Variants in FZR1 observed in about 807,000 individuals in gnomAD.
FZR1 encodes the protein fizzy and cell division cycle 20 related 1.
A neutral mutation model predicts 63.6 loss-of-function variants in FZR1; 11 were observed. The observed-to-expected ratio is 0.17, with a 90% CI of 0.11 to 0.29. The LOEUF is 0.29. Among genes scored for constraint, FZR1 ranks in the 10% least tolerant of loss-of-function variants. The probability of loss-of-function intolerance (pLI) is 1.00; values close to 1 mark genes in which losing one functional copy is unlikely to be tolerated. For missense variants in FZR1, 440 were observed against 687.5 expected (o/e 0.64, Z 4.03); for synonymous variants, 328 against 297.9 (o/e 1.10, Z -1.04).
intron 6 of FZR1, 47 bp from the exon 7 acceptor site, chr19:3,527,584 T>G: frequency 6.6e-7 from 1 of 1,510,946 alleles, no homozygotes; most frequent in Non-Finnish European, 9.0e-7. Flanking sequence ...TTGCAAGAGG[T>G]GACCCAAGTG....
At chr19:3,532,127 C>T in intron 10 of FZR1, 32 bp downstream of exon 10, 1 of 1,470,050 alleles carries the variant, frequency 6.8e-7, no homozygotes, top group Non-Finnish European at 9.0e-7. Flanking sequence ...GCTTCCCCTT[C>T]ACCAGAAGCC....
intron 1 of FZR1, among the ~76,000 whole-genome samples, chr19:3,508,774 C>A (rs2122102451): frequency 6.6e-6 from 1 of 152,322 alleles, no homozygotes; most frequent in South Asian, 2.1e-4. Flanking sequence ...CAATTCTGTC[C>A]CCAGGGGACA....
At chr19:3,513,827 G>A (rs2083040034) in intron 1 of FZR1, among the ~76,000 whole-genome samples, 1 of 152,152 alleles carries the variant, frequency 6.6e-6, no homozygotes, top group Non-Finnish European at 1.5e-5. Flanking sequence ...AGTGTCCACT[G>A]GGCCAGGGTG....
At chr19:3,527,367 G>A (rs1354066064) in intron 6 of FZR1, among the ~76,000 whole-genome samples, 1 of 152,186 alleles carries the variant, frequency 6.6e-6, no homozygotes, top group African/African-American at 2.4e-5. Context: ...CTCAGACAAG[G>A]GGCAGGGTAG....
intron 1 of FZR1, among the ~76,000 whole-genome samples, chr19:3,522,213 C>T (rs1336791355): frequency 1.3e-5 from 2 of 152,148 alleles, no homozygotes; most frequent in Non-Finnish European, 2.9e-5. Context: ...CCATGGCCTG[C>T]ACGGACCTTC....
Position 3,531,992 on chromosome 19 carries a change from C to T in FZR1, c.905C>T (p.Pro302Leu), listed in dbSNP as rs1258167627. ...MILQRDIRTP[P>L]LQSERRLQGH... ...CTGCAGAGGGACATCCGCACCCCGC[C>T]ACTGCAGTCGGAGCGGCGGCTGCAG... Residue 302 changes from proline (P) to leucine (L), a missense_variant, in exon 10 of 14, where the codon CCA (proline) becomes CTA (leucine). Pro to Leu is a moderately conservative substitution (Grantham distance 98, BLOSUM62 -3). Around this residue, in one of 5 missense-constraint regions of FZR1, gnomAD observed 208 missense variants for 363.6 expected, o/e 0.57. Transcript: ENST00000441788. The T allele has an allele frequency of 4.4e-6, 7 of 1,573,786 alleles. No homozygotes were observed. Among genetic ancestry groups the T allele is most frequent in the Non-Finnish European group, 6.0e-6 (7 of 1,165,690 alleles).
At position 3,526,065 on chromosome 19, in the gene FZR1, GGGCC is replaced by G. The variant is rs1301957494; in HGVS notation, c.196-52_196-49del. 1 of 1,611,632 alleles carries G rather than the reference GGGCC, an allele frequency of 6.2e-7. No individual in the cohort carries two copies. Among genetic ancestry groups the G allele is most frequent in the East Asian group, 2.2e-5 (1 of 44,850 alleles). ...GGCCCCTCCCAGCCTCCTTGCTCTAGGGCCGGGAACAAGCGGGCTCCTCGACCCC... is the reference window on the plus strand; with the variant it reads ...GGCCCCTCCCAGCCTCCTTGCTCTAGGGGAACAAGCGGGCTCCTCGACCCC... On this transcript the variant is annotated intron_variant, in intron 3 of 13. Transcript: ENST00000441788. The surrounding 1 kb of genome is among the most constrained non-coding windows in gnomAD (Gnocchi z 5.4).
rs2083264981 is a variant in FZR1, at chr19:3,533,164, C to T, written c.1243-130C>T. On this transcript the variant is annotated intron_variant, in intron 11 of 13. Coordinates refer to ENST00000441788, the MANE Select transcript of FZR1 (RefSeq NM_016263.4). The surrounding 1 kb of genome is among the most constrained non-coding windows in gnomAD (Gnocchi z 4.9). ...GGTGGCAGAGCCACATCCCAGCATC[C>T]CCTGCTCCTCCTGGGCTGGCTGGCG... is the stretch of plus-strand genomic sequence containing the variant. 3 of 678,076 alleles carry T rather than the reference C, an allele frequency of 4.4e-6. No homozygotes were observed. Among genetic ancestry groups the T allele is most frequent in the East Asian group, 2.6e-5 (1 of 38,244 alleles). The allele number at this position is 678,076 out of a possible 1,614,324, so 42.0% of individuals were successfully genotyped here. A position where few individuals can be genotyped will look rare whatever the true frequency, so the allele number is the denominator to read the frequency against.
intron 1 of FZR1, among the ~76,000 whole-genome samples, chr19:3,522,119 C>T (rs941247113): frequency 6.6e-6 from 1 of 152,226 alleles, no homozygotes; most frequent in Non-Finnish European, 1.5e-5. Flanking sequence ...GCTGTATTTA[C>T]AGACCGGCAG....
intron 1 of FZR1, among the ~76,000 whole-genome samples, chr19:3,521,797 G>C (rs935972359): frequency 1.3e-5 from 2 of 151,912 alleles, no homozygotes; most frequent in African/African-American, 4.8e-5. Flanking sequence ...ACCGTGCCTG[G>C]CCAGAACTGC....
In FZR1 at chr19:3,535,038, G is replaced by C; in HGVS notation, c.*202G>C. The C allele has an allele frequency of 1.7e-6, 1 of 597,474 alleles. No homozygotes were observed. The highest frequency in any genetic ancestry group is 3.0e-6 in the Non-Finnish European group (1 of 334,488). 37.0% of individuals were successfully genotyped at this position (597,474 alleles called of 1,614,324 possible). ...CCACCAGTATCTGGGGTGGGCACGT[G>C]GTCGGGGACCCTCAGCAGCAGGGGC... On this transcript the variant is annotated 3_prime_UTR_variant, in exon 14 of 14. Coordinates refer to ENST00000441788, the MANE Select transcript of FZR1 (RefSeq NM_016263.4).
At chr19:3,522,842 C>G in intron 1 of FZR1, 114 bp from the exon 2 acceptor site, 2 of 675,972 alleles carry the variant, frequency 3.0e-6, no homozygotes, top group East Asian at 5.1e-5. Context: ...CACAGAGGAG[C>G]CAGGAGGACC....
chr19:3,529,192 G>A (rs1412508666), intron 7 of FZR1, among the ~76,000 whole-genome samples: 3 of 148,806 alleles, frequency 2.0e-5, no homozygotes, highest in Non-Finnish European at 4.5e-5. Flanking sequence ...GAGAGCGGAT[G>A]GGAGAGCGGA....
chr19:3,524,560 GA>G, intron 2 of FZR1, among the ~76,000 whole-genome samples: 1 of 152,332 alleles, frequency 6.6e-6, no homozygotes, highest in Non-Finnish European at 1.5e-5. Flanking sequence ...ACAGCAGACG[GA>G]ATATGACCCT....
intron 1 of FZR1, among the ~76,000 whole-genome samples, chr19:3,508,584 C>G (rs901257659): frequency 1.3e-5 from 2 of 152,170 alleles, no homozygotes; most frequent in Non-Finnish European, 2.9e-5. Context: ...TTGGGAGTCC[C>G]AGAATGGAAT....
rs1258445080 is a variant in FZR1, at chr19:3,534,831, C to T, written c.1477C>T (p.Arg493Trp). 7 of 1,612,458 alleles carry T rather than the reference C, an allele frequency of 4.3e-6. No homozygotes were observed. Among genetic ancestry groups the T allele is most frequent in the East Asian group, 2.2e-5 (1 of 44,884 alleles). ...TGTGCTCAACCTCTTCACCAGGATCCGGTAAACCTGCCGGGCAGGACCGTG... is the reference window on the plus strand; with the variant it reads ...TGTGCTCAACCTCTTCACCAGGATCTGGTAAACCTGCCGGGCAGGACCGTG... ...VSVLNLFTRI[R>W] The change falls in exon 14 of 14, where the codon CGG becomes TGG. Residue 493 changes from arginine (R) to tryptophan (W), a missense_variant. This residue lies in a region of FZR1 where 28 missense variants were observed against 26.3 expected (regional missense o/e 1.06). Transcript: ENST00000441788.
At chr19:3,527,174 G>C in intron 6 of FZR1, 112 bp downstream of exon 6, 1 of 829,958 alleles carries the variant, frequency 1.2e-6, no homozygotes, top group Non-Finnish European at 2.1e-6. Context: ...GGTGGGCGAG[G>C]CTGAAGGGGG....
At chr19:3,522,258 G>A (rs927005629) in intron 1 of FZR1, among the ~76,000 whole-genome samples, 1 of 152,182 alleles carries the variant, frequency 6.6e-6, no homozygotes, top group Admixed American at 6.5e-5. Flanking sequence ...TCCTGCCTCG[G>A]GCTGTGCATC....
At chr19:3,510,233 C>T (rs2083015137) in intron 1 of FZR1, among the ~76,000 whole-genome samples, 1 of 152,170 alleles carries the variant, frequency 6.6e-6, no homozygotes, top group Non-Finnish European at 1.5e-5. Flanking sequence ...ACCTTCCAGC[C>T]TCAGGTAATC....
Sources: allele counts gnomAD v4.1 joint callset (sites outside exome capture counted in the v4.1 genomes callset), GRCh38; gene constraint gnomAD v4.1.1; regional missense constraint gnomAD v4.1.1; non-coding constraint Gnocchi (gnomAD v3.1); transcripts MANE v1.5; gene names NCBI Gene and HGNC (gene_info 2026-07-23, HGNC 2026-07-21).